Variants in AIG1 observed in about 807,000 individuals in gnomAD.
AIG1 encodes androgen-induced gene 1 protein.
A neutral mutation model predicts 31.4 loss-of-function variants in AIG1; 23 were observed. The ratio of observed to expected loss-of-function variants is 0.73; its 90% CI spans 0.53 to 1.04. The LOEUF is 1.04. AIG1 is among the 50% of genes least tolerant of loss of function. The pLI is 0.00. For missense variants in AIG1, 274 were observed against 295.0 expected (o/e 0.93, Z 0.52); for synonymous variants, 100 against 110.5 (o/e 0.90, Z 0.60).
Position 143,335,143 on chromosome 6 carries a change from G to A in AIG1, c.679+1698G>A. 18 of 1,390,194 alleles carry A rather than the reference G, an allele frequency of 1.3e-5. No homozygotes were observed. The South Asian group carries it at 3.3e-4, about 25-fold the overall frequency. 86.1% of individuals were successfully genotyped at this position (1,390,194 alleles called of 1,614,324 possible). ...AAGTAAGTATCATCCTCATTTACAA[G>A]AGGGGTCACAAACTGCTGGCCTCCC... On this transcript the variant is annotated intron_variant, in intron 5 of 5. Coordinates refer to ENST00000357847, the MANE Select transcript of AIG1 (RefSeq NM_016108.4).
At chr6:143,086,096 G>A (rs1388751601) in intron 1 of AIG1, among the ~76,000 whole-genome samples, 1 of 152,122 alleles carries the variant, frequency 6.6e-6, no homozygotes, top group Non-Finnish European at 1.5e-5. Context: ...ATTTTATTCT[G>A]TTAGCAAAGC....
chr6:143,317,691 A>T (rs980142518), intron 4 of AIG1, among the ~76,000 whole-genome samples: 13 of 151,536 alleles, frequency 8.6e-5, no homozygotes, highest in Non-Finnish European at 1.8e-4. Flanking sequence ...ATTGGTATAG[A>T]GGAAGTCAAA....
chr6:143,187,478 A>G (rs1284421204), intron 3 of AIG1: 1 of 1,535,494 alleles, frequency 6.5e-7, no homozygotes, highest in Admixed American at 2.0e-5. Flanking sequence ...CACTCTGCTC[A>G]ATTGAAGACA....
intron 2 of AIG1, among the ~76,000 whole-genome samples, chr6:143,157,741 T>A (rs1785938619): frequency 6.6e-6 from 1 of 152,220 alleles, no homozygotes; most frequent in Admixed American, 6.5e-5. Context: ...CTATCTTCTA[T>A]CGAATCTCAG....
intron 1 of AIG1, among the ~76,000 whole-genome samples, chr6:143,120,962 C>T (rs568257857): frequency 1.3e-5 from 2 of 152,350 alleles, no homozygotes; most frequent in African/African-American, 4.8e-5. Context: ...AATCCACAAA[C>T]AATAGCATGA....
intron 3 of AIG1, among the ~76,000 whole-genome samples, chr6:143,172,306 G>A (rs551149320): frequency 6.6e-6 from 1 of 152,202 alleles, no homozygotes. Context: ...CCTCTAGAAT[G>A]GCTCCAATGA....
chr6:143,191,321 A>G (rs1029552209), intron 3 of AIG1, among the ~76,000 whole-genome samples: 7 of 152,156 alleles, frequency 4.6e-5, no homozygotes, highest in Admixed American at 2.6e-4. Flanking sequence ...AAAGCATACT[A>G]CAAGTTTCAA....
intron 3 of AIG1, among the ~76,000 whole-genome samples, chr6:143,278,716 G>A (rs999554340): frequency 6.6e-6 from 1 of 151,868 alleles, no homozygotes; most frequent in Non-Finnish European, 1.5e-5. Flanking sequence ...TGATCCGCCC[G>A]CCTCAGCCTC....
Position 143,288,094 on chromosome 6 carries a change from C to T in AIG1, c.515+3869C>T, listed in dbSNP as rs533334883. ...TATAAAAGAGAAGACATCTTTGCTC[C>T]ACCTGGTGCAGCCGTCTGGGGCTGA... On this transcript the variant is annotated intron_variant, in intron 4 of 5. Transcript: ENST00000357847. The surrounding 1 kb of genome is among the most constrained non-coding windows in gnomAD (Gnocchi z 4.4). 3.5e-4 allele frequency among the ~76,000 whole-genome samples: 54 copies of T among 152,128 alleles called. No homozygotes were observed. Among genetic ancestry groups the T allele is most frequent in the Non-Finnish European group, 7.2e-4 (49 of 68,030 alleles).
At chr6:143,262,631 G>A (rs56827403) in intron 3 of AIG1, among the ~76,000 whole-genome samples, 8,320 of 152,076 alleles carry the variant, frequency 0.055, 578 homozygotes, top group African/African-American at 0.16. Context: ...GGGATTTTAC[G>A]CAGGATCAGA....
At chr6:143,186,013 T>C (rs1789228516) in intron 3 of AIG1, among the ~76,000 whole-genome samples, 1 of 152,200 alleles carries the variant, frequency 6.6e-6, no homozygotes, top group African/African-American at 2.4e-5. Context: ...TCCATATTCT[T>C]CTTTCAAACA....
intron 3 of AIG1, among the ~76,000 whole-genome samples, chr6:143,218,070 C>A (rs534249928): frequency 6.6e-6 from 1 of 152,202 alleles, no homozygotes; most frequent in Non-Finnish European, 1.5e-5. Flanking sequence ...CTAATTGCAT[C>A]GTCTCATTTG....
chr6:143,266,392 A>G (rs1199598242), intron 3 of AIG1, among the ~76,000 whole-genome samples: 1 of 151,122 alleles, frequency 6.6e-6, no homozygotes, highest in East Asian at 1.9e-4. Context: ...CATTCATTGC[A>G]GGTGTTAAAT....
rs561090586 is a variant in AIG1, at chr6:143,306,830, A to G, written c.515+22605A>G. Reference sequence around the variant, plus strand: ...TGGTTCCATTCTCCCCGTCACTTTCAGGTACACCAATCAGACATAGATTTG... The same window carrying G: ...TGGTTCCATTCTCCCCGTCACTTTCGGGTACACCAATCAGACATAGATTTG... On this transcript the variant is annotated intron_variant, in intron 4 of 5. Coordinates refer to ENST00000357847, the MANE Select transcript of AIG1 (RefSeq NM_016108.4). Among the ~76,000 whole-genome samples the G allele has an allele frequency of 1.7e-4, 26 of 152,278 alleles. No individual in the cohort carries two copies. The South Asian group carries it at 5.4e-3, about 32-fold the overall frequency.
chr6:143,184,983 G>T (rs544666935), intron 3 of AIG1, among the ~76,000 whole-genome samples: 1 of 151,946 alleles, frequency 6.6e-6, no homozygotes, highest in East Asian at 1.9e-4. Context: ...GGATCACAAG[G>T]TCAAGAGATG....
chr6:143,235,152 G>A (rs1793717478), intron 3 of AIG1, among the ~76,000 whole-genome samples: 1 of 152,214 alleles, frequency 6.6e-6, no homozygotes, highest in Non-Finnish European at 1.5e-5. Flanking sequence ...TAGTGGCAGA[G>A]TGGAAAATGG....
intron 3 of AIG1, among the ~76,000 whole-genome samples, chr6:143,192,066 G>C (rs1333532555): frequency 6.6e-6 from 1 of 152,180 alleles, no homozygotes; most frequent in Non-Finnish European, 1.5e-5. Flanking sequence ...ACATAAAAGT[G>C]ATAAAATCAA....
At chr6:143,090,670 T>TA (rs1435919289) in intron 1 of AIG1, among the ~76,000 whole-genome samples, 4 of 152,232 alleles carry the variant, frequency 2.6e-5, no homozygotes, top group Non-Finnish European at 4.4e-5. Flanking sequence ...TGCCTTAATT[T>TA]AAAAATACTT....
chr6:143,070,648 G>A (rs1256500645), intron 1 of AIG1, among the ~76,000 whole-genome samples: 1 of 152,122 alleles, frequency 6.6e-6, no homozygotes, highest in Non-Finnish European at 1.5e-5. Flanking sequence ...GGACAAGAGA[G>A]GCATAAGAGA....
Sources: allele counts gnomAD v4.1 joint callset (sites outside exome capture counted in the v4.1 genomes callset), GRCh38; gene constraint gnomAD v4.1.1; non-coding constraint Gnocchi (gnomAD v3.1); transcripts MANE v1.5; gene names NCBI Gene and HGNC (gene_info 2026-07-23, HGNC 2026-07-21).